The following RPL37 variants were observed in gnomAD, a reference collection of about 807,000 sequenced individuals.
The protein encoded by RPL37 is ribosomal protein L37, also known as large ribosomal subunit protein eL37.
RPL37 carries 1 observed loss-of-function variant against 14.8 expected under a neutral mutation model. The observed-to-expected ratio is 0.07, with a 90% CI of 0.02 to 0.32. RPL37 has a LOEUF of 0.32. RPL37 is among the 10% of genes least tolerant of loss of function. The pLI, the probability that RPL37 is intolerant of heterozygous loss-of-function variation, is 1.00. For synonymous variants in RPL37, 53 were observed against 45.8 expected, an observed-to-expected ratio of 1.16 and a Z score of -0.63; for missense variants, 100 against 128.3, an observed-to-expected ratio of 0.78 and a Z score of 1.06.
chr5:40,834,916 A>C, intron 1 of RPL37: 1 of 614,046 alleles, frequency 1.6e-6, no homozygotes, highest in Non-Finnish European at 2.9e-6. Context: ...CTCGGCTCCC[A>C]ACCAAGGCTA....
chr5:40,834,445 C>T (rs770580778), intron 2 of RPL37, 26 bp downstream of exon 2: 8 of 1,607,514 alleles, frequency 5.0e-6, no homozygotes, highest in African/African-American at 1.3e-5. Flanking sequence ...AAAGCTAACA[C>T]AGTTGGCCTG....
At chr5:40,834,026 C>A in intron 3 of RPL37, 155 bp downstream of exon 3, 1 of 630,948 alleles carries the variant, frequency 1.6e-6, no homozygotes, top group Non-Finnish European at 2.8e-6. Flanking sequence ...GCCTGGGCAA[C>A]ATAGTGAAAC....
rs1164546963 is a variant in RPL37 at position 40,828,865 on chromosome 5, A to G, written c.*3639T>C. Reference sequence around the variant, plus strand: ...TGGCTTGGCACACAGTAGGTGCACCATACATAAATATGTCAACAAATGAAC... The same window carrying G: ...TGGCTTGGCACACAGTAGGTGCACCGTACATAAATATGTCAACAAATGAAC... On this transcript the variant is annotated 3_prime_UTR_variant, in exon 4 of 4. Coordinates refer to ENST00000274242, the MANE Select transcript of RPL37 (RefSeq NM_000997.5). The G allele has an allele frequency of 1.3e-5, 2 of 152,194 alleles. No individual in the cohort carries two copies. Among genetic ancestry groups the G allele is most frequent in the African/African-American group, 4.8e-5 (2 of 41,450 alleles). 9.4% of individuals were successfully genotyped at this position (152,194 alleles called of 1,614,324 possible).
chr5:40,834,848 G>A (rs551465402), intron 1 of RPL37, among the ~76,000 whole-genome samples: 1 of 152,192 alleles, frequency 6.6e-6, no homozygotes, highest in Non-Finnish European at 1.5e-5. Flanking sequence ...CGGCCAGAGA[G>A]CATCACCAAT....
chr5:40,834,689 A>G (rs1745724773), intron 1 of RPL37, 83 bp from the exon 2 acceptor site: 24 of 1,455,546 alleles, frequency 1.6e-5, no homozygotes, highest in Non-Finnish European at 2.1e-5. Flanking sequence ...ATTACTGATA[A>G]AATTTAAAGG....
chr5:40,834,080 A>G (rs11749955), intron 3 of RPL37, 101 bp downstream of exon 3: 88,557 of 841,738 alleles, frequency 0.11, 5,975 homozygotes, highest in Non-Finnish European at 0.13. Flanking sequence ...CCAACATCTC[A>G]TCCCCAGTAA....
rs932874337 is a variant in RPL37, at chr5:40,831,681, A to C, written c.*823T>G. On this transcript the variant is annotated 3_prime_UTR_variant, in exon 4 of 4. Coordinates refer to ENST00000274242, the MANE Select transcript of RPL37 (RefSeq NM_000997.5). ...CCTTCATTTTAAAAAAACAAAAAAA[A>C]CCCCCAACCCTGTCAATAAACCACG... 2 of 152,084 alleles carry C rather than the reference A, an allele frequency of 1.3e-5. No homozygotes were observed. Among genetic ancestry groups the C allele is most frequent in the East Asian group, 1.9e-4 (1 of 5,318 alleles). The allele number at this position is 152,084 out of a possible 1,614,324, so 9.4% of individuals were successfully genotyped here. A position where few individuals can be genotyped will look rare whatever the true frequency, so the allele number is the denominator to read the frequency against.
chr5:40,833,395 T>A (rs1202609548), intron 3 of RPL37, among the ~76,000 whole-genome samples: 1 of 152,254 alleles, frequency 6.6e-6, no homozygotes, highest in African/African-American at 2.4e-5. Context: ...TAGTTAAGTC[T>A]GCATCATTCT....
Position 40,834,244 on chromosome 5 carries a change from T to C in RPL37, c.161A>G (p.Lys54Arg), listed in dbSNP as rs1303199153. The C allele has an allele frequency of 3.1e-6, 5 of 1,614,064 alleles. No homozygotes were observed. Among genetic ancestry groups the C allele is most frequent in the Non-Finnish European group, 4.2e-6 (5 of 1,179,998 alleles). Residue 54 changes from lysine (K) to arginine (R), a missense_variant, in exon 3 of 4, where the codon AAA (lysine) becomes AGA (arginine). Transcript: ENST00000274242. Reference protein sequence around the residue: ...KRKYNWSAKAKRRNTTGTGRM... With the variant: ...KRKYNWSAKARRRNTTGTGRM... ...ACCAGTTCCGGTGGTATTTCGTCTT[T>C]TAGCCTTGGCACTCCAGTTATCTAA...
chr5:40,835,042 T>C, intron 1 of RPL37, 141 bp downstream of exon 1: 2 of 1,140,962 alleles, frequency 1.8e-6, no homozygotes, highest in East Asian at 2.5e-5. Flanking sequence ...TTCTTCTGGC[T>C]CTTGAGGGCC....
Position 40,835,206 on chromosome 5 carries a change from C to T in RPL37, c.-21G>A. The T allele has an allele frequency of 1.9e-6, 3 of 1,613,964 alleles. No homozygotes were observed. Among genetic ancestry groups the T allele is most frequent in the Admixed American group, 1.7e-5 (1 of 60,018 alleles). ...ACCATCTCGCTTCTGCGGCCGAGAC[C>T]AGAAAGACCGGAAGAGAAGGCACTT... On this transcript the variant is annotated 5_prime_UTR_variant, in exon 1 of 4. Transcript: ENST00000274242.
rs755742695 is a variant in RPL37 at position 40,835,171 on chromosome 5, G to C, written c.3+12C>G. ...TGGAACGCGATTCACAAACACCACAGTCACAACTCACCATCTCGCTTCTGC... is the reference window on the plus strand; with the variant it reads ...TGGAACGCGATTCACAAACACCACACTCACAACTCACCATCTCGCTTCTGC... On this transcript the variant is annotated intron_variant, in intron 1 of 3. Coordinates refer to ENST00000274242, the MANE Select transcript of RPL37 (RefSeq NM_000997.5). The C allele has an allele frequency of 7.4e-6, 12 of 1,613,986 alleles. No homozygotes were observed. Among genetic ancestry groups the C allele is most frequent in the Non-Finnish European group, 8.5e-6 (10 of 1,180,038 alleles).
chr5:40,834,108 TC>T, intron 3 of RPL37, 72 bp downstream of exon 3: 1 of 1,054,188 alleles, frequency 9.5e-7, no homozygotes, highest in Non-Finnish European at 1.5e-6. Flanking sequence ...GGTACTGTTA[TC>T]TTTTTACAAG....
chr5:40,834,971 A>G, intron 1 of RPL37: 1 of 673,426 alleles, frequency 1.5e-6, no homozygotes, highest in Non-Finnish European at 2.6e-6. Flanking sequence ...CAAAGGACAC[A>G]ATGCGGCTCT....
chr5:40,834,768 C>T (rs978397519), intron 1 of RPL37, among the ~76,000 whole-genome samples, 162 bp from the exon 2 acceptor site: 22 of 152,226 alleles, frequency 1.4e-4, no homozygotes, highest in African/African-American at 4.8e-4. Context: ...CCACTACCCG[C>T]ATTTCACGTT....
intron 3 of RPL37, chr5:40,833,943 C>G (rs1168375582): frequency 3.2e-5 from 16 of 503,352 alleles, no homozygotes; most frequent in Non-Finnish European, 5.7e-5. Flanking sequence ...GGTACTCGGG[C>G]GGCTGAGATG....
chr5:40,831,007 G>A lies in RPL37; in HGVS notation c.*1497C>T, dbSNP rs1561207408. On this transcript the variant is annotated 3_prime_UTR_variant, in exon 4 of 4. Coordinates refer to ENST00000274242, the MANE Select transcript of RPL37 (RefSeq NM_000997.5). ...CACGCCTGTAATCCTAGCACTTTGG[G>A]AGGCCGAGGCGGCGGATCACGAGGT... The A allele has an allele frequency of 6.6e-6, 1 of 151,844 alleles. No individual in the cohort carries two copies. The highest frequency in any genetic ancestry group is 1.5e-5 in the Non-Finnish European group (1 of 67,994). The allele number at this position is 151,844 out of a possible 1,614,324, so 9.4% of individuals were successfully genotyped here.
chr5:40,833,993 C>G, intron 3 of RPL37, 188 bp downstream of exon 3: 1 of 582,622 alleles, frequency 1.7e-6, no homozygotes, highest in East Asian at 3.0e-5. Context: ...TGCACTGAGC[C>G]GTGATCGTGC....
Position 40,834,240 on chromosome 5 carries a change from T to C in RPL37, c.165A>G (p.Arg55=), listed in dbSNP as rs1398423654. 1.2e-6 allele frequency: 2 copies of C among 1,614,168 alleles called. No individual in the cohort carries two copies. Among genetic ancestry groups the C allele is most frequent in the Admixed American group, 3.3e-5 (2 of 60,030 alleles). The change falls in exon 3 of 4, where the codon AGA becomes AGG. Residue 55 remains arginine, a synonymous_variant. Transcript: ENST00000274242. ...RKYNWSAKAK[R]RNTTGTGRMR... ...TTCGACCAGTTCCGGTGGTATTTCG[T>C]CTTTTAGCCTTGGCACTCCAGTTAT...
Sources: allele counts gnomAD v4.1 joint callset (sites outside exome capture counted in the v4.1 genomes callset), GRCh38; gene constraint gnomAD v4.1.1; transcripts MANE v1.5; gene names NCBI Gene and HGNC (gene_info 2026-07-23, HGNC 2026-07-21).